Variants in DCC observed in about 807,000 individuals in gnomAD.
The protein encoded by DCC is DCC netrin 1 receptor, also known as netrin receptor DCC.
DCC carries 58 observed loss-of-function variants against 172.5 expected under a neutral mutation model. The observed-to-expected ratio is 0.34, with a 90% CI of 0.27 to 0.42. The LOEUF (loss-of-function observed/expected upper bound fraction) is 0.42. Among genes scored for constraint, DCC ranks in the 10% least tolerant of loss-of-function variants. The pLI, the probability that DCC is intolerant of heterozygous loss-of-function variation, is 1.00. For missense variants in DCC, 1,740 were observed against 1,791.0 expected, an observed-to-expected ratio of 0.97 and a Z score of 0.51; for synonymous variants, 709 against 644.5, an observed-to-expected ratio of 1.10 and a Z score of -1.52.
At chr18:52,798,067 G>GTTGCTTGCACAAAGT (rs2037911626) in intron 2 of DCC, among the ~76,000 whole-genome samples, 1 of 152,162 alleles carries the variant, frequency 6.6e-6, no homozygotes, top group Non-Finnish European at 1.5e-5. Flanking sequence ...TTGCACGAAG[G>GTTGCTTGCACAAAGT]TTGCTTGCAC....
intron 5 of DCC, among the ~76,000 whole-genome samples, chr18:52,991,413 C>A (rs576040103): frequency 2.6e-5 from 4 of 152,064 alleles, no homozygotes; most frequent in African/African-American, 9.7e-5. Flanking sequence ...GATTGAAGGG[C>A]GTATTAGGAG....
At position 52,543,953 on chromosome 18, in the gene DCC, A is replaced by G. The variant is rs371523350; in HGVS notation, c.91+203075A>G. On this transcript the variant is annotated intron_variant, in intron 1 of 28. Coordinates refer to ENST00000442544, the MANE Select transcript of DCC (RefSeq NM_005215.4). ...GGTCACAGGTCTCTCTCAGAATCTG[A>G]TAAATGCTATGAAACGCTTACAAAA... is the stretch of plus-strand genomic sequence containing the variant. Among the ~76,000 whole-genome samples the G allele has an allele frequency of 1.7e-4, 26 of 152,346 alleles. No individual in the cohort carries two copies. The East Asian group carries it at 4.8e-3, about 28-fold the overall frequency.
At chr18:52,745,528 C>T (rs74777452) in intron 1 of DCC, among the ~76,000 whole-genome samples, 19 of 152,078 alleles carry the variant, frequency 1.2e-4, no homozygotes, top group African/African-American at 4.1e-4. Context: ...AATAGTTGTA[C>T]ACATTTATAG....
intron 7 of DCC, among the ~76,000 whole-genome samples, chr18:53,141,439 CA>C (rs1227059697): frequency 4.6e-5 from 7 of 152,092 alleles, no homozygotes; most frequent in Admixed American, 2.0e-4. Context: ...TCCAGGAAGG[CA>C]AAAAAGTTGA....
At chr18:52,371,361 T>C (rs912427070) in intron 1 of DCC, among the ~76,000 whole-genome samples, 6 of 152,230 alleles carry the variant, frequency 3.9e-5, no homozygotes, top group African/African-American at 1.4e-4. Context: ...TCCAAAGTAC[T>C]AAATTGGACA....
At chr18:53,210,915 T>A (rs1484566099) in intron 11 of DCC, among the ~76,000 whole-genome samples, 1 of 152,090 alleles carries the variant, frequency 6.6e-6, no homozygotes, top group Non-Finnish European at 1.5e-5. Flanking sequence ...TTTATTCAAA[T>A]TCCTCCACCT....
In DCC at chr18:53,522,281, GAA is replaced by G. The variant is rs11336516; in HGVS notation, c.4112-4324_4112-4323del. Among the ~76,000 whole-genome samples the G allele has an allele frequency of 6.6e-4, 93 of 139,948 alleles. 1 individual carries two copies. The highest frequency in any genetic ancestry group is 2.3e-3 in the African/African-American group (89 of 38,152). 91.8% of individuals were successfully genotyped at this position (139,948 alleles called of 152,430 possible). ...CACCGTGGTTATAGTCAGAAGTTTG[GAA>G]AAAAAAAAAAATGGTGTGTGAGTAG... On this transcript the variant is annotated intron_variant, in intron 27 of 28. Coordinates refer to ENST00000442544, the MANE Select transcript of DCC (RefSeq NM_005215.4).
At chr18:52,593,087 C>T (rs1027614192) in intron 1 of DCC, among the ~76,000 whole-genome samples, 1 of 152,156 alleles carries the variant, frequency 6.6e-6, no homozygotes, top group African/African-American at 2.4e-5. Flanking sequence ...TCAATAGATT[C>T]ATGGCTGGGT....
At chr18:52,500,068 C>A (rs1347257368) in intron 1 of DCC, among the ~76,000 whole-genome samples, 1 of 151,894 alleles carries the variant, frequency 6.6e-6, no homozygotes, top group Non-Finnish European at 1.5e-5. Flanking sequence ...GATTTTATTA[C>A]AGTTTTAGAC....
intron 25 of DCC, among the ~76,000 whole-genome samples, chr18:53,469,011 C>CA (rs1159401200): frequency 6.6e-6 from 1 of 152,138 alleles, no homozygotes; most frequent in Admixed American, 6.5e-5. Flanking sequence ...CAAACCAGTA[C>CA]AAAATCTCAG....
At chr18:53,103,118 A>G (rs1044814385) in intron 7 of DCC, among the ~76,000 whole-genome samples, 2 of 152,078 alleles carry the variant, frequency 1.3e-5, no homozygotes, top group African/African-American at 4.8e-5. Flanking sequence ...CTTATTGAGC[A>G]CTACCCTAGG....
chr18:52,872,560 C>T (rs942959661), intron 2 of DCC, among the ~76,000 whole-genome samples: 1 of 152,158 alleles, frequency 6.6e-6, no homozygotes, highest in African/African-American at 2.4e-5. Context: ...ATTTTTGTTT[C>T]CTTCAATCTG....
intron 2 of DCC, among the ~76,000 whole-genome samples, chr18:52,789,987 G>A (rs937592628): frequency 6.6e-6 from 1 of 152,152 alleles, no homozygotes; most frequent in South Asian, 2.1e-4. Flanking sequence ...CTGCTCTCAA[G>A]ATCAGAGCTT....
chr18:52,605,397 C>T (rs2034112769), intron 1 of DCC, among the ~76,000 whole-genome samples: 1 of 152,098 alleles, frequency 6.6e-6, no homozygotes, highest in African/African-American at 2.4e-5. Context: ...AACTAAGAAG[C>T]TACTGCATTC....
chr18:53,059,032 TAC>T (rs1341786890), intron 5 of DCC, among the ~76,000 whole-genome samples: 5 of 152,190 alleles, frequency 3.3e-5, no homozygotes, highest in South Asian at 4.2e-4. Flanking sequence ...TCAGGAAACT[TAC>T]AGTCTTGGTG....
intron 1 of DCC, among the ~76,000 whole-genome samples, chr18:52,434,192 G>A (rs1352121310): frequency 6.6e-6 from 1 of 152,100 alleles, no homozygotes; most frequent in Non-Finnish European, 1.5e-5. Context: ...GTAGTTAGCT[G>A]GCTATAATTA....
intron 14 of DCC, among the ~76,000 whole-genome samples, chr18:53,326,610 A>C (rs978812049): frequency 6.6e-6 from 1 of 152,174 alleles, no homozygotes; most frequent in Non-Finnish European, 1.5e-5. Context: ...AGTTTGCTCT[A>C]TTTTTAAAAA....
chr18:53,454,471 T>C (rs534657352), intron 23 of DCC, among the ~76,000 whole-genome samples: 1 of 152,314 alleles, frequency 6.6e-6, no homozygotes, highest in East Asian at 1.9e-4. Context: ...TATCCACAGA[T>C]ACTAAGGACA....
At chr18:52,769,092 C>T (rs994643405) in intron 2 of DCC, among the ~76,000 whole-genome samples, 1 of 152,156 alleles carries the variant, frequency 6.6e-6, no homozygotes, top group Non-Finnish European at 1.5e-5. Context: ...ATCATCACTT[C>T]CTGATATGTA....
Sources: allele counts gnomAD v4.1 joint callset (sites outside exome capture counted in the v4.1 genomes callset), GRCh38; gene constraint gnomAD v4.1.1; transcripts MANE v1.5; gene names NCBI Gene and HGNC (gene_info 2026-07-23, HGNC 2026-07-21).